Variants in CCDC150 observed in about 807,000 individuals in gnomAD.
The protein encoded by CCDC150 is coiled-coil domain containing 150.
CCDC150 carries 151 observed loss-of-function variants against 156.5 expected under a neutral mutation model. The observed-to-expected ratio is 0.97, with a 90% CI of 0.85 to 1.10. The LOEUF (loss-of-function observed/expected upper bound fraction) is 1.10, where lower values mean the gene tolerates loss of function less well. Among genes scored for constraint, CCDC150 ranks in the 50% least tolerant of loss-of-function variants. CCDC150 has a pLI of 0.00. For missense variants in CCDC150, 1,312 were observed against 1,268.1 expected, an observed-to-expected ratio of 1.03 and a Z score of -0.53; for synonymous variants, 452 against 429.4, an observed-to-expected ratio of 1.05 and a Z score of -0.65.
intron 18 of CCDC150, 25 bp downstream of exon 18, chr2:196,718,656 G>C: frequency 6.2e-7 from 1 of 1,605,846 alleles, no homozygotes; most frequent in Non-Finnish European, 8.5e-7. Context: ...CCTTCTGACC[G>C]TCTGTCACTG....
rs1195131456 is a variant in CCDC150 at position 196,732,553 on chromosome 2, G to A, written c.3297G>A (p.Gln1099=). ...CCAAGAAGTATCATTCTGAGGTACA[G>A]AGGAAGTGATGTCCTTGACAAGGGA... ...PMPKKYHSEV[Q]RK Residue 1099 remains glutamine, a synonymous_variant, in exon 28 of 28, where the codon CAG becomes CAA. Transcript: ENST00000389175. The A allele has an allele frequency of 6.2e-7, 1 of 1,606,394 alleles. No homozygotes were observed. Among genetic ancestry groups the A allele is most frequent in the Non-Finnish European group, 8.5e-7 (1 of 1,173,162 alleles).
At chr2:196,667,327 A>T (rs1166707292) in intron 7 of CCDC150, 1 of 168,690 alleles carries the variant, frequency 5.9e-6, no homozygotes, top group East Asian at 1.6e-4. Context: ...CCTTTAAGAG[A>T]GCTTAGATTA....
chr2:196,719,107 A>G (rs1486392514), intron 18 of CCDC150, among the ~76,000 whole-genome samples: 1 of 152,118 alleles, frequency 6.6e-6, no homozygotes, highest in East Asian at 1.9e-4. Context: ...ACTTTCTCTT[A>G]CAGTCTTTTT....
chr2:196,681,791 T>G (rs1476571340), intron 13 of CCDC150, among the ~76,000 whole-genome samples: 1 of 152,158 alleles, frequency 6.6e-6, no homozygotes, highest in African/African-American at 2.4e-5. Context: ...TTCAGATCCT[T>G]TGTCTATTTT....
chr2:196,708,192 G>A (rs866543428), intron 15 of CCDC150, among the ~76,000 whole-genome samples: 64 of 152,250 alleles, frequency 4.2e-4, no homozygotes, highest in African/African-American at 1.3e-3. Flanking sequence ...GGGTGCTCTT[G>A]TATTGGGTGT....
chr2:196,699,335 T>A (rs1221243017), intron 14 of CCDC150, among the ~76,000 whole-genome samples: 1 of 152,196 alleles, frequency 6.6e-6, no homozygotes, highest in Non-Finnish European at 1.5e-5. Flanking sequence ...AAATACTTGG[T>A]CTAATAGTTA....
intron 13 of CCDC150, among the ~76,000 whole-genome samples, chr2:196,680,387 C>G: frequency 6.6e-6 from 1 of 152,120 alleles, no homozygotes; most frequent in East Asian, 1.9e-4. Flanking sequence ...GCCTCCACCC[C>G]CCCAGGCTCA....
chr2:196,709,062 T>C (rs1696891018), intron 15 of CCDC150, among the ~76,000 whole-genome samples: 1 of 152,236 alleles, frequency 6.6e-6, no homozygotes, highest in Non-Finnish European at 1.5e-5. Context: ...CTTGCTAGGT[T>C]GGGGAAGTTC....
intron 15 of CCDC150, among the ~76,000 whole-genome samples, chr2:196,707,364 CA>C (rs1696729528): frequency 6.6e-6 from 1 of 152,052 alleles, no homozygotes; most frequent in Non-Finnish European, 1.5e-5. Flanking sequence ...TCCCCTTTAT[CA>C]TTTTTTTATT....
intron 15 of CCDC150, 88 bp from the exon 16 acceptor site, chr2:196,712,057 C>T (rs1251645251): frequency 4.8e-6 from 2 of 413,496 alleles, no homozygotes; most frequent in East Asian, 3.7e-5. Context: ...CCTTTTTCCC[C>T]CTTCTGGAGT....
rs920518713 is a variant in CCDC150, at chr2:196,641,129, AT to A, written c.12+1361del. On this transcript the variant is annotated intron_variant, in intron 1 of 27. Transcript: ENST00000389175. ...AGGAGCACGCCACCACGCCCGGCTA[AT>A]TTTTTTTTTATTTTTATTTTTGTAT... is the stretch of plus-strand genomic sequence containing the variant. Among the ~76,000 whole-genome samples the A allele has an allele frequency of 2.8e-4, 40 of 142,664 alleles. No homozygotes were observed. The East Asian group carries it at 7.6e-3, about 27-fold the overall frequency. The allele number at this position is 142,664 out of a possible 152,430, so 93.6% of individuals were successfully genotyped here. A position where few individuals can be genotyped will look rare whatever the true frequency, so the allele number is the denominator to read the frequency against.
intron 15 of CCDC150, among the ~76,000 whole-genome samples, chr2:196,704,590 G>C (rs1021276607): frequency 6.6e-6 from 1 of 152,072 alleles, no homozygotes; most frequent in Non-Finnish European, 1.5e-5. Flanking sequence ...TAGGGTACAT[G>C]TGCACAACAT....
In CCDC150 at chr2:196,695,143, C is replaced by T. The variant is rs1347289983; in HGVS notation, c.1607C>T (p.Thr536Ile). Residue 536 changes from threonine to isoleucine, a missense_variant, in exon 14 of 28, where the codon ACT (threonine) becomes ATT (isoleucine). Coordinates refer to ENST00000389175, the MANE Select transcript of CCDC150 (RefSeq NM_001080539.2). Reference sequence around the variant, plus strand: ...GCTTCCCTAGAACTTCAGCAAGTCACTTCTGATTACCATGGGGTGGGTATA... The same window carrying T: ...GCTTCCCTAGAACTTCAGCAAGTCATTTCTGATTACCATGGGGTGGGTATA... ...QMASLELQQV[T>I]SDYHGLAQQK... 1.3e-6 allele frequency: 2 copies of T among 1,596,302 alleles called. No individual in the cohort carries two copies. Among genetic ancestry groups the T allele is most frequent in the Admixed American group, 1.7e-5 (1 of 59,846 alleles).
chr2:196,675,787 C>T (rs1166279383), intron 10 of CCDC150, among the ~76,000 whole-genome samples: 2 of 152,028 alleles, frequency 1.3e-5, no homozygotes, highest in African/African-American at 2.4e-5. Flanking sequence ...TATTGTTTTA[C>T]TTTTAAAAAT....
At chr2:196,641,088 G>A (rs959948848) in intron 1 of CCDC150, among the ~76,000 whole-genome samples, 5 of 152,060 alleles carry the variant, frequency 3.3e-5, no homozygotes, top group Admixed American at 2.0e-4. Flanking sequence ...TCAGCCATCC[G>A]AGTAGCTGAA....
intron 7 of CCDC150, 115 bp downstream of exon 7, chr2:196,666,963 G>A (rs1318213895): frequency 9.2e-7 from 1 of 1,092,874 alleles, no homozygotes; most frequent in Admixed American, 1.9e-5. Context: ...TTCCCACAGT[G>A]CTGTATGTAA....
intron 6 of CCDC150, among the ~76,000 whole-genome samples, chr2:196,666,274 A>G (rs1240490839): frequency 6.6e-6 from 1 of 152,184 alleles, no homozygotes; most frequent in Non-Finnish European, 1.5e-5. Context: ...TCATATTTTA[A>G]TATAATTGGA....
intron 17 of CCDC150, chr2:196,713,141 C>A: frequency 1.5e-6 from 1 of 648,074 alleles, no homozygotes; most frequent in Non-Finnish European, 2.4e-6. Context: ...ATTAGATGCG[C>A]TCTCTGACAG....
chr2:196,692,303 T>G, intron 13 of CCDC150, among the ~76,000 whole-genome samples: 1 of 148,532 alleles, frequency 6.7e-6, no homozygotes, highest in South Asian at 2.2e-4. Flanking sequence ...CCCGGCTAAT[T>G]TTTTGTATTT....
Sources: gnomAD v4.1 joint callset for allele counts (sites outside exome capture counted in the v4.1 genomes callset) on GRCh38, gnomAD v4.1.1 for gene constraint, MANE v1.5 for transcripts, NCBI Gene and HGNC (gene_info 2026-07-23, HGNC 2026-07-21) for gene names.